APP: variants seen among roughly 807,000 people sequenced by gnomAD.
APP encodes amyloid-beta precursor protein.
Under a neutral mutation model 101.4 loss-of-function variants are expected in APP, and 31 were observed. The observed-to-expected ratio is 0.31, with a 90% confidence interval of 0.23 to 0.41. The LOEUF is 0.41. Among genes scored for constraint, APP ranks in the 10% least tolerant of loss-of-function variants. APP has a pLI of 1.00. For synonymous variants in APP, 366 were observed against 364.4 expected, an observed-to-expected ratio of 1.00 and a Z score of -0.05; for missense variants, 839 against 1,003.7, an observed-to-expected ratio of 0.84 and a Z score of 2.22.
chr21:26,028,475 T>C (rs1315598053), intron 5 of APP, among the ~76,000 whole-genome samples: 2 of 152,086 alleles, frequency 1.3e-5, no homozygotes, highest in Non-Finnish European at 2.9e-5. Context: ...AATGCACAAG[T>C]GGAATAAGAA....
At chr21:25,925,858 C>T (rs2039872206) in intron 13 of APP, among the ~76,000 whole-genome samples, 1 of 152,208 alleles carries the variant, frequency 6.6e-6, no homozygotes, top group South Asian at 2.1e-4. Flanking sequence ...ATTGCTTGAA[C>T]CCGGGAGGTG....
chr21:25,999,897 TG>T, intron 7 of APP, 117 bp downstream of exon 7: 1 of 1,142,682 alleles, frequency 8.8e-7, no homozygotes, highest in Non-Finnish European at 1.3e-6. Flanking sequence ...GACAGAAATG[TG>T]GTTAGTGGTA....
At chr21:25,997,310 A>AG (rs746985527) in intron 8 of APP, 50 bp downstream of exon 8, 1 of 1,549,996 alleles carries the variant, frequency 6.5e-7, no homozygotes, top group Admixed American at 1.7e-5. Flanking sequence ...ATGTGAACCA[A>AG]GCAGCATCCT....
intron 2 of APP, among the ~76,000 whole-genome samples, chr21:26,091,449 TG>T (rs1272411927): frequency 6.6e-6 from 1 of 152,044 alleles, no homozygotes; most frequent in African/African-American, 2.4e-5. Flanking sequence ...TTGTAAGCAA[TG>T]GGTGATGGAG....
chr21:25,887,235 G>A (rs1313113161), intron 17 of APP, among the ~76,000 whole-genome samples: 1 of 152,144 alleles, frequency 6.6e-6, no homozygotes, highest in Non-Finnish European at 1.5e-5. Context: ...AGTACCGCTT[G>A]CTACTAAACA....
chr21:25,939,489 G>A (rs928159301), intron 13 of APP, among the ~76,000 whole-genome samples: 1 of 152,212 alleles, frequency 6.6e-6, no homozygotes, highest in Non-Finnish European at 1.5e-5. Flanking sequence ...TCTCCCTTAA[G>A]ATAGAAAGAA....
intron 9 of APP, among the ~76,000 whole-genome samples, chr21:25,980,680 A>AAAAC (rs200348454): frequency 1.1e-5 from 1 of 92,082 alleles, no homozygotes; most frequent in Non-Finnish European, 2.3e-5. Context: ...AACAAAAAAC[A>AAAAC]AAACAAACAA....
chr21:26,051,442 AC>A (rs1324071234), intron 4 of APP, among the ~76,000 whole-genome samples: 2 of 152,218 alleles, frequency 1.3e-5, no homozygotes, highest in African/African-American at 4.8e-5. Flanking sequence ...AGAGGTTTAT[AC>A]GAACAACTGG....
At chr21:25,954,452 C>T (rs2041223642) in intron 13 of APP, 138 bp downstream of exon 13, 1 of 778,492 alleles carries the variant, frequency 1.3e-6, no homozygotes, top group Non-Finnish European at 2.2e-6. Context: ...TAAGCTAGTT[C>T]CAGCCTGACA....
At chr21:26,118,302 A>G (rs2146225946) in intron 1 of APP, among the ~76,000 whole-genome samples, 1 of 152,344 alleles carries the variant, frequency 6.6e-6, no homozygotes, top group Admixed American at 6.5e-5. Context: ...AAATGAATAT[A>G]AAAGTGGAAT....
intron 2 of APP, among the ~76,000 whole-genome samples, chr21:26,097,117 G>A (rs1395948869): frequency 2.0e-5 from 3 of 152,136 alleles, no homozygotes; most frequent in Non-Finnish European, 4.4e-5. Context: ...CAAGAAAAAG[G>A]CCCGGCTTGC....
chr21:25,902,397 A>T lies in APP; in HGVS notation c.1963+2627T>A, dbSNP rs1184672676. 2.6e-5 allele frequency among the ~76,000 whole-genome samples: 4 copies of T among 152,244 alleles called. No individual in the cohort carries two copies. In the East Asian group the frequency reaches 7.7e-4, roughly 29 times the overall value. On this transcript the variant is annotated intron_variant, in intron 15 of 17. Coordinates refer to ENST00000346798, the MANE Select transcript of APP (RefSeq NM_000484.4). ...GGAAATTAGCCCAAATGTTTGATAA[A>T]CTTACTACAAGCACAAAAACAGAAC...
At chr21:25,949,750 T>C (rs1213777362) in intron 13 of APP, among the ~76,000 whole-genome samples, 1 of 152,170 alleles carries the variant, frequency 6.6e-6, no homozygotes, top group Non-Finnish European at 1.5e-5. Context: ...AGTTAGAGTA[T>C]GGTATTGGAG....
intron 13 of APP, among the ~76,000 whole-genome samples, chr21:25,916,526 G>A (rs2039356918): frequency 6.6e-6 from 1 of 152,108 alleles, no homozygotes; most frequent in South Asian, 2.1e-4. Flanking sequence ...TTCTGAGTGG[G>A]ACTTTCTTTG....
chr21:26,163,080 C>A (rs868045511), intron 1 of APP, among the ~76,000 whole-genome samples: 1,681 of 126,760 alleles, frequency 0.013, 36 homozygotes, highest in African/African-American at 0.048. Flanking sequence ...AAAAAAAAAA[C>A]AAAAACAAAA....
chr21:26,021,634 A>G (rs2044341310), intron 6 of APP, among the ~76,000 whole-genome samples: 1 of 152,192 alleles, frequency 6.6e-6, no homozygotes, highest in Non-Finnish European at 1.5e-5. Context: ...CAAGGTACAA[A>G]ACAAACTGTA....
At chr21:26,076,236 G>A (rs747791619) in intron 3 of APP, among the ~76,000 whole-genome samples, 2 of 151,952 alleles carry the variant, frequency 1.3e-5, no homozygotes, top group African/African-American at 4.8e-5. Flanking sequence ...TTTTCTTTAC[G>A]TATCCCTCAG....
chr21:26,090,163 T>C lies in APP; in HGVS notation c.226-91A>G. 5 of 1,575,830 alleles carry C rather than the reference T, an allele frequency of 3.2e-6. No homozygotes were observed. The South Asian group carries it at 5.7e-5, about 18-fold the overall frequency. On this transcript the variant is annotated intron_variant, in intron 2 of 17. Coordinates refer to ENST00000346798, the MANE Select transcript of APP (RefSeq NM_000484.4). ...ACAAGCCTCCACTGTAAGGTACAGG[T>C]GGAGTGTCCCTTATCCAAAATGCTT...
intron 17 of APP, among the ~76,000 whole-genome samples, chr21:25,888,839 T>G (rs978372013): frequency 1.3e-5 from 2 of 151,962 alleles, no homozygotes; most frequent in Admixed American, 1.3e-4. Context: ...ATCTGGGAGG[T>G]GAGAGATACC....
Sources: allele counts gnomAD v4.1 joint callset (sites outside exome capture counted in the v4.1 genomes callset), GRCh38; gene constraint gnomAD v4.1.1; transcripts MANE v1.5; gene names NCBI Gene and HGNC (gene_info 2026-07-23, HGNC 2026-07-21).